The following KDM2A variants were observed in gnomAD, a reference collection of about 807,000 sequenced individuals.
KDM2A encodes lysine demethylase 2A.
A neutral mutation model predicts 137.3 loss-of-function variants in KDM2A; 3 were observed. The ratio of observed to expected loss-of-function variants is 0.02; its 90% CI spans 0.01 to 0.06. The LOEUF (loss-of-function observed/expected upper bound fraction) is 0.06, where lower values mean the gene tolerates loss of function less well. Among genes scored for constraint, KDM2A ranks in the 10% least tolerant of loss-of-function variants. The pLI is 1.00. For missense variants in KDM2A, 738 were observed against 1,510.6 expected (o/e 0.49, Z 8.48); for synonymous variants, 512 against 541.5 (o/e 0.95, Z 0.76).
chr11:67,179,968 T>C, intron 2 of KDM2A, 111 bp from the exon 3 acceptor site: 1 of 1,033,012 alleles, frequency 9.7e-7, no homozygotes, highest in East Asian at 2.5e-5. Context: ...GCAAGGAAAA[T>C]AGCAACTGAG....
chr11:67,241,089 C>G (rs1267957242), intron 12 of KDM2A, among the ~76,000 whole-genome samples: 1 of 152,176 alleles, frequency 6.6e-6, no homozygotes, highest in Non-Finnish European at 1.5e-5. Flanking sequence ...TGGAAAGTCC[C>G]CGTTTGTGGA....
chr11:67,250,607 AGAG>A lies in KDM2A; in HGVS notation c.2595_2597del (p.Glu866del), dbSNP rs752328206. On this transcript the variant is annotated inframe_deletion, in exon 17 of 21. Transcript: ENST00000529006. This position sits in a 1 kb window ranked among gnomAD's most constrained non-coding sequence, Gnocchi z 7.1. The stretch of plus-strand genomic sequence containing the variant: ...AGGGGCTGGGGGGAGAGGAGGAGGA[AGAG>A]GAGGAGGAGGAGGAGGAAGATGACA... 3.8e-4 allele frequency: 604 copies of A among 1,590,318 alleles called. No homozygotes were observed. Among genetic ancestry groups the A allele is most frequent in the South Asian group, 6.3e-4 (57 of 89,828 alleles).
chr11:67,205,938 T>A (rs1360784431), intron 5 of KDM2A, among the ~76,000 whole-genome samples: 3 of 152,192 alleles, frequency 2.0e-5, no homozygotes, highest in Non-Finnish European at 4.4e-5. Flanking sequence ...TCCTAAAGCC[T>A]TTTCTGATCA....
intron 5 of KDM2A, chr11:67,196,132 C>T (rs1194820585): frequency 1.0e-5 from 4 of 389,038 alleles, no homozygotes; most frequent in Non-Finnish European, 2.1e-5. Flanking sequence ...GACATAGTCA[C>T]CCATATTAGG....
At position 67,255,164 on chromosome 11, in the gene KDM2A, C is replaced by G; in HGVS notation, c.*109C>G. The G allele has an allele frequency of 4.3e-6, 4 of 940,020 alleles. No homozygotes were observed. The highest frequency in any genetic ancestry group is 3.3e-5 in the African/African-American group (2 of 60,978). 58.2% of individuals were successfully genotyped at this position (940,020 alleles called of 1,614,324 possible). A position where few individuals can be genotyped will look rare whatever the true frequency, so the allele number is the denominator to read the frequency against. Reference sequence around the variant, plus strand: ...CTCTGAGGCCAGCGTCACACTCCCTCTCTGCTCTCCTGTCCCTTGAGCCCT... The same window carrying G: ...CTCTGAGGCCAGCGTCACACTCCCTGTCTGCTCTCCTGTCCCTTGAGCCCT... On this transcript the variant is annotated 3_prime_UTR_variant, in exon 21 of 21. Coordinates refer to ENST00000529006, the MANE Select transcript of KDM2A (RefSeq NM_012308.3).
intron 10 of KDM2A, among the ~76,000 whole-genome samples, chr11:67,221,604 G>A (rs1282443648): frequency 1.3e-5 from 2 of 152,128 alleles, no homozygotes; most frequent in African/African-American, 4.8e-5. Flanking sequence ...CCTACTAGTA[G>A]AATTAAGAGA....
At chr11:67,160,972 T>C (rs1412537751) in intron 2 of KDM2A, among the ~76,000 whole-genome samples, 1 of 152,116 alleles carries the variant, frequency 6.6e-6, no homozygotes, top group African/African-American at 2.4e-5. Flanking sequence ...GAACAAAAAA[T>C]AGCAAATTAG....
intron 2 of KDM2A, among the ~76,000 whole-genome samples, chr11:67,121,640 A>G (rs1182198418): frequency 6.6e-6 from 1 of 152,204 alleles, no homozygotes; most frequent in Non-Finnish European, 1.5e-5. Context: ...AATGTGACAA[A>G]GATTCCTGAT....
rs1378998794 is a variant in KDM2A at position 67,245,525 on chromosome 11, T to TA, written c.1833+68dup. ...AGTGCCAAAGGAACTGAAATACATA[T>TA]AGTGTAGAGTTAAAGAGACTTCAGA... On this transcript the variant is annotated intron_variant, in intron 14 of 20. Transcript: ENST00000529006. The surrounding 1 kb of genome is among the most constrained non-coding windows in gnomAD (Gnocchi z 4.1). 1.0e-5 allele frequency: 16 copies of TA among 1,530,290 alleles called. No homozygotes were observed. The East Asian group carries it at 2.9e-4, about 28-fold the overall frequency. 94.8% of individuals were successfully genotyped at this position (1,530,290 alleles called of 1,614,324 possible). A position where few individuals can be genotyped will look rare whatever the true frequency, so the allele number is the denominator to read the frequency against.
intron 12 of KDM2A, among the ~76,000 whole-genome samples, chr11:67,236,825 A>G (rs1858885444): frequency 6.6e-6 from 1 of 152,234 alleles, no homozygotes; most frequent in South Asian, 2.1e-4. Context: ...CGCTCTGAAT[A>G]ATGCCTGCCT....
At chr11:67,176,810 C>A (rs1363971280) in intron 2 of KDM2A, among the ~76,000 whole-genome samples, 1 of 152,064 alleles carries the variant, frequency 6.6e-6, no homozygotes, top group African/African-American at 2.4e-5. Flanking sequence ...AATGGTATAC[C>A]TGTATAGGGC....
intron 11 of KDM2A, among the ~76,000 whole-genome samples, chr11:67,229,458 C>T (rs1858643795): frequency 6.6e-6 from 1 of 152,226 alleles, no homozygotes; most frequent in Non-Finnish European, 1.5e-5. Flanking sequence ...GAGGACTCAA[C>T]ACCATAATAT....
intron 2 of KDM2A, among the ~76,000 whole-genome samples, chr11:67,134,517 C>CT (rs910094417): frequency 9.2e-5 from 14 of 151,494 alleles, no homozygotes; most frequent in East Asian, 7.7e-4. Flanking sequence ...TATTTATTTA[C>CT]TTTTTTTTTG....
Position 67,182,600 on chromosome 11 carries a change from TCGGCTCA to T in KDM2A, c.307+710_307+716del, listed in dbSNP as rs567979880. 9.2e-4 allele frequency among the ~76,000 whole-genome samples: 135 copies of T among 147,130 alleles called. 1 individual carries two copies. In the South Asian group the frequency reaches 0.029, roughly 31 times the overall value. On this transcript the variant is annotated intron_variant, in intron 5 of 20. Transcript: ENST00000529006. The stretch of plus-strand genomic sequence containing the variant: ...CAGGCTGGAGTGCAGTGGCACAATC[TCGGCTCA>T]CTGCAACCTCCGCCTGCTGCATTCG...
intron 2 of KDM2A, among the ~76,000 whole-genome samples, chr11:67,169,078 C>G (rs1245266502): frequency 6.6e-6 from 1 of 151,584 alleles, no homozygotes; most frequent in Non-Finnish European, 1.5e-5. Flanking sequence ...GCCTCAGCCT[C>G]CTGAGTAGCT....
In KDM2A at chr11:67,207,795, G is replaced by A. The variant is rs1857853731; in HGVS notation, c.486+107G>A. ...ATCCCAGCACTTTGGGAGGCCAAGG[G>A]AGGCAGATCGCTTGAGCTGAGGAGT... On this transcript the variant is annotated intron_variant, in intron 6 of 20. Coordinates refer to ENST00000529006, the MANE Select transcript of KDM2A (RefSeq NM_012308.3). The A allele has an allele frequency of 1.2e-5, 10 of 841,416 alleles. No individual in the cohort carries two copies. The South Asian group carries it at 2.2e-4, about 19-fold the overall frequency. The allele number at this position is 841,416 out of a possible 1,614,324, so 52.1% of individuals were successfully genotyped here. A position where few individuals can be genotyped will look rare whatever the true frequency, so the allele number is the denominator to read the frequency against.
At chr11:67,166,806 G>C (rs966853808) in intron 2 of KDM2A, among the ~76,000 whole-genome samples, 1 of 152,178 alleles carries the variant, frequency 6.6e-6, no homozygotes, top group Non-Finnish European at 1.5e-5. Flanking sequence ...GCTGAGCGTG[G>C]TGGGTCATGT....
chr11:67,127,321 GT>G (rs1162858773), intron 2 of KDM2A, among the ~76,000 whole-genome samples: 1 of 151,508 alleles, frequency 6.6e-6, no homozygotes, highest in Non-Finnish European at 1.5e-5. Context: ...GGCTGGTCTG[GT>G]TTTTTTTGCT....
intron 2 of KDM2A, among the ~76,000 whole-genome samples, chr11:67,151,727 T>C (rs1402370011): frequency 1.3e-5 from 2 of 152,124 alleles, no homozygotes; most frequent in Non-Finnish European, 2.9e-5. Flanking sequence ...TATATTGGAA[T>C]GGTATTATTA....
Sources: allele counts gnomAD v4.1 joint callset (sites outside exome capture counted in the v4.1 genomes callset), GRCh38; gene constraint gnomAD v4.1.1; non-coding constraint Gnocchi (gnomAD v3.1); transcripts MANE v1.5; gene names NCBI Gene and HGNC (gene_info 2026-07-23, HGNC 2026-07-21).